SEC24A: variants seen among roughly 807,000 people sequenced by gnomAD.
SEC24A encodes the protein SEC24 homolog A, COPII component.
In SEC24A, 93 loss-of-function variants were observed where a neutral mutation model predicts 129.4. The ratio of observed to expected loss-of-function variants is 0.72; its 90% CI spans 0.61 to 0.85. SEC24A has a LOEUF of 0.85. SEC24A is among the 40% of genes least tolerant of loss of function. The probability of loss-of-function intolerance (pLI) is 0.00; values close to 1 mark genes in which losing one functional copy is unlikely to be tolerated. For missense variants in SEC24A, 1,264 were observed against 1,307.4 expected (o/e 0.97, Z 0.51); for synonymous variants, 460 against 467.3 (o/e 0.98, Z 0.20).
At chr5:134,709,371 A>G (rs1254644321) in intron 18 of SEC24A, among the ~76,000 whole-genome samples, 1 of 152,174 alleles carries the variant, frequency 6.6e-6, no homozygotes, top group Non-Finnish European at 1.5e-5. Context: ...TTAATAACCA[A>G]AGAAACTTAG....
At chr5:134,651,352 T>A (rs1027072615) in intron 1 of SEC24A, among the ~76,000 whole-genome samples, 2 of 150,236 alleles carry the variant, frequency 1.3e-5, no homozygotes, top group Non-Finnish European at 3.0e-5. Flanking sequence ...TGGAGTACAA[T>A]GGCTCGATCT....
Position 134,716,965 on chromosome 5 carries a change from C to T in SEC24A, c.2866-1104C>T, listed in dbSNP as rs529531138. ...ACTGATCTCGGCTCACCGCAGCCTC[C>T]GCCTCCCAGGTTCAAAGAATTCTCC... On this transcript the variant is annotated intron_variant, in intron 19 of 22. Coordinates refer to ENST00000398844, the MANE Select transcript of SEC24A (RefSeq NM_021982.3). Among the ~76,000 whole-genome samples, 24 of 150,648 alleles carry T rather than the reference C, an allele frequency of 1.6e-4. No homozygotes were observed. The South Asian group carries it at 3.2e-3, about 20-fold the overall frequency.
At chr5:134,682,555 T>C in intron 9 of SEC24A, 73 bp downstream of exon 9, 1 of 721,764 alleles carries the variant, frequency 1.4e-6, no homozygotes, top group Non-Finnish European at 2.4e-6. Context: ...TACAGCATCC[T>C]GTAACAAAAT....
Position 134,649,093 on chromosome 5 carries a change from T to G in SEC24A, c.17T>G (p.Ile6Arg), listed in dbSNP as rs1330838427. The change falls in exon 1 of 23, where the codon ATA becomes AGA. Residue 6 changes from isoleucine to arginine, a missense_variant. Physicochemically the swap from Ile to Arg is moderately conservative, Grantham distance 97. Coordinates refer to ENST00000398844, the MANE Select transcript of SEC24A (RefSeq NM_021982.3). ...CCAGTCATCATGTCCCAGCCGGGAATACCGGCCTCCGGCGGCGCCCCAGCC... is the reference window on the plus strand; with the variant it reads ...CCAGTCATCATGTCCCAGCCGGGAAGACCGGCCTCCGGCGGCGCCCCAGCC... MSQPG[I>R]PASGGAPASL... 3 of 1,609,216 alleles carry G rather than the reference T, an allele frequency of 1.9e-6. No homozygotes were observed. In the African/African-American group the frequency reaches 4.0e-5, roughly 22 times the overall value.
At position 134,721,017 on chromosome 5, in the gene SEC24A, G is replaced by C. The variant is rs1309115274; in HGVS notation, c.2990G>C (p.Gly997Ala). The C allele has an allele frequency of 6.2e-7, 1 of 1,611,612 alleles. No homozygotes were observed. The highest frequency in any genetic ancestry group is 1.1e-5 in the South Asian group (1 of 91,004). The change falls in exon 21 of 23, where the codon GGA becomes GCA. Residue 997 changes from glycine (G) to alanine (A), a missense_variant. Gly to Ala is a moderately conservative substitution (Grantham distance 60). Coordinates refer to ENST00000398844, the MANE Select transcript of SEC24A (RefSeq NM_021982.3). ...CCCTAGGTACTGATGCTTTGGGTTG[G>C]AAAAAATTGTACACAGAATTTTCTC... is the stretch of plus-strand genomic sequence containing the variant. ...DAGSVLMLWVGKNCTQNFLSQ... is the reference protein window; with the variant it reads ...DAGSVLMLWVAKNCTQNFLSQ...
intron 5 of SEC24A, 24 bp from the exon 6 acceptor site, chr5:134,675,021 T>G (rs1223286805): frequency 1.3e-6 from 2 of 1,534,920 alleles, no homozygotes; most frequent in African/African-American, 2.8e-5. Flanking sequence ...AAAAGTTACT[T>G]ACTTTAAAAT....
chr5:134,658,515 C>T (rs1041951477), intron 1 of SEC24A, among the ~76,000 whole-genome samples: 2 of 152,176 alleles, frequency 1.3e-5, no homozygotes, highest in African/African-American at 4.8e-5. Context: ...CCTCTTGCCT[C>T]AGCCTCCTGA....
Position 134,693,821 on chromosome 5 carries a change from A to G in SEC24A, c.1874A>G (p.Lys625Arg). Residue 625 changes from lysine to arginine, a missense_variant, in exon 13 of 23, where the codon AAG becomes AGG. Coordinates refer to ENST00000398844, the MANE Select transcript of SEC24A (RefSeq NM_021982.3). ...GGTCCTGCACTGCAGGCTGCCTTTA[A>G]GCTGATGTCTCCAACTGGTGGTCGA... ...ALGPALQAAF[K>R]LMSPTGGRMS... 6.2e-7 allele frequency: 1 copy of G among 1,614,130 alleles called. No individual in the cohort carries two copies. The highest frequency in any genetic ancestry group is 8.5e-7 in the Non-Finnish European group (1 of 1,180,028).
chr5:134,670,501 G>A (rs1339640405), intron 3 of SEC24A, among the ~76,000 whole-genome samples: 1 of 152,170 alleles, frequency 6.6e-6, no homozygotes, highest in African/African-American at 2.4e-5. Context: ...CTTAGTAGAG[G>A]TAACTAGAAA....
In SEC24A at chr5:134,678,565, GAT is replaced by G. The variant is rs66794026; in HGVS notation, c.1255-1022_1255-1021del. Among the ~76,000 whole-genome samples the G allele has an allele frequency of 3.7e-3, 546 of 149,536 alleles. 3 individuals are homozygous for G. The highest frequency in any genetic ancestry group is 0.013 in the African/African-American group (520 of 40,650). On this transcript the variant is annotated intron_variant, in intron 7 of 22. Coordinates refer to ENST00000398844, the MANE Select transcript of SEC24A (RefSeq NM_021982.3). Reference sequence around the variant, plus strand: ...CTGCTTTGGCCTTCCAAAGCACTGGGATATATATATATATATTTTTTTAATTT... The same window carrying G: ...CTGCTTTGGCCTTCCAAAGCACTGGGATATATATATATATTTTTTTAATTT...
At position 134,703,343 on chromosome 5, in the gene SEC24A, C is replaced by T. The variant is rs148324022; in HGVS notation, c.2267-416C>T. ...AGTGCAGTGGCGCAATCTTAGCTCA[C>T]TGCAACCTCTGCCTCCCGGGTTCAA... On this transcript the variant is annotated intron_variant, in intron 15 of 22. Coordinates refer to ENST00000398844, the MANE Select transcript of SEC24A (RefSeq NM_021982.3). Among the ~76,000 whole-genome samples the T allele has an allele frequency of 4.0e-3, 604 of 152,216 alleles. 3 individuals are homozygous for T. Among genetic ancestry groups the T allele is most frequent in the African/African-American group, 0.014 (586 of 41,532 alleles).
At chr5:134,671,221 G>A (rs149948554) in intron 3 of SEC24A, among the ~76,000 whole-genome samples, 1,830 of 151,996 alleles carry the variant, frequency 0.012, 39 homozygotes, top group African/African-American at 0.042. Flanking sequence ...ACCACACCCA[G>A]CTAATTTTTT....
intron 22 of SEC24A, among the ~76,000 whole-genome samples, chr5:134,724,125 T>C (rs767317014): frequency 2.6e-4 from 40 of 152,190 alleles, no homozygotes; most frequent in Non-Finnish European, 4.4e-4. Flanking sequence ...TCCTTCTCCA[T>C]AGCCACTTCC....
intron 4 of SEC24A, among the ~76,000 whole-genome samples, chr5:134,674,371 C>T (rs934043139): frequency 6.6e-6 from 1 of 151,984 alleles, no homozygotes; most frequent in Non-Finnish European, 1.5e-5. Context: ...CCCGTCTCTA[C>T]AAAACATACA....
At chr5:134,718,763 G>C (rs1319237493) in intron 20 of SEC24A, among the ~76,000 whole-genome samples, 1 of 152,098 alleles carries the variant, frequency 6.6e-6, no homozygotes, top group Non-Finnish European at 1.5e-5. Flanking sequence ...TTTGAGGTCA[G>C]GAGTTCAAGA....
intron 19 of SEC24A, chr5:134,715,485 G>C (rs578239071): frequency 1.8e-5 from 4 of 216,270 alleles, no homozygotes; most frequent in Non-Finnish European, 3.6e-5. Context: ...GTGCATTTTT[G>C]CTCGCTTCAG....
chr5:134,648,820 T>C lies in SEC24A; in HGVS notation c.-257T>C. On this transcript the variant is annotated 5_prime_UTR_variant, in exon 1 of 23. Coordinates refer to ENST00000398844, the MANE Select transcript of SEC24A (RefSeq NM_021982.3). ...AGGGCCTCCCTCCTTCTCTCTAGGT[T>C]TGGCTGCCGCCTTCTAGCCGGGCGT... The C allele has an allele frequency of 2.9e-6, 1 of 345,380 alleles. No individual in the cohort carries two copies. Among genetic ancestry groups the C allele is most frequent in the Non-Finnish European group, 5.4e-6 (1 of 186,854 alleles). 21.4% of individuals were successfully genotyped at this position (345,380 alleles called of 1,614,324 possible).
intron 19 of SEC24A, 146 bp from the exon 20 acceptor site, chr5:134,717,923 T>C (rs1309820389): frequency 1.7e-6 from 1 of 590,884 alleles, no homozygotes; most frequent in Non-Finnish European, 3.0e-6. Context: ...CTCAAATAAA[T>C]AAATAAATAA....
chr5:134,724,598 A>G (rs1234949761), intron 22 of SEC24A, among the ~76,000 whole-genome samples: 2 of 152,156 alleles, frequency 1.3e-5, no homozygotes, highest in Non-Finnish European at 2.9e-5. Context: ...CAAAAAAAAA[A>G]AAAAGGCTCG....
Sources: gnomAD v4.1 joint callset for allele counts (sites outside exome capture counted in the v4.1 genomes callset) on GRCh38, gnomAD v4.1.1 for gene constraint, MANE v1.5 for transcripts, NCBI Gene and HGNC (gene_info 2026-07-23, HGNC 2026-07-21) for gene names.